Variants in KCNN2 observed in about 807,000 individuals in gnomAD.
KCNN2 encodes potassium calcium-activated channel subfamily N member 2, also known as small conductance calcium-activated potassium channel protein 2.
Under a neutral mutation model 55.5 loss-of-function variants are expected in KCNN2, and 24 were observed. The observed-to-expected ratio is 0.43, with a 90% CI of 0.31 to 0.61. The LOEUF is 0.61. Ranked by LOEUF, KCNN2 falls within the 20% of genes least tolerant of loss-of-function variation. The probability of loss-of-function intolerance (pLI) is 0.08; values close to 1 mark genes in which losing one functional copy is unlikely to be tolerated. For missense variants in KCNN2, 754 were observed against 853.6 expected, an observed-to-expected ratio of 0.88 and a Z score of 1.45; for synonymous variants, 431 against 336.1, an observed-to-expected ratio of 1.28 and a Z score of -3.09.
intron 1 of KCNN2, among the ~76,000 whole-genome samples, chr5:114,192,327 A>C (rs1753466773): frequency 6.6e-6 from 1 of 152,256 alleles, no homozygotes; most frequent in Admixed American, 6.5e-5. Context: ...CCAAATGATA[A>C]ATCACAGTGA....
chr5:114,273,778 T>A (rs1310228342), intron 2 of KCNN2, among the ~76,000 whole-genome samples: 1 of 152,124 alleles, frequency 6.6e-6, no homozygotes, highest in Admixed American at 6.5e-5. Context: ...ATTGCAAAAA[T>A]TTTCTCCCAT....
At chr5:114,156,727 T>C (rs1752642904) in intron 1 of KCNN2, among the ~76,000 whole-genome samples, 1 of 152,172 alleles carries the variant, frequency 6.6e-6, no homozygotes, top group African/African-American at 2.4e-5. Flanking sequence ...CACATTGATT[T>C]TGTATCCTAA....
chr5:114,329,612 G>A (rs1756773064), intron 2 of KCNN2, among the ~76,000 whole-genome samples: 1 of 152,120 alleles, frequency 6.6e-6, no homozygotes, highest in Non-Finnish European at 1.5e-5. Context: ...TTTGAGGTTT[G>A]GGGACTCAGA....
intron 2 of KCNN2, among the ~76,000 whole-genome samples, chr5:114,388,811 G>T (rs1300671827): frequency 1.3e-5 from 2 of 151,756 alleles, no homozygotes; most frequent in East Asian, 3.9e-4. Context: ...TTCTATATCA[G>T]TTTTTTTTAT....
intron 1 of KCNN2, among the ~76,000 whole-genome samples, chr5:114,148,710 T>C (rs1433367374): frequency 6.6e-6 from 1 of 152,034 alleles, no homozygotes; most frequent in East Asian, 1.9e-4. Flanking sequence ...AATGGCTTAG[T>C]AGAAGAAGAG....
intron 5 of KCNN2, 133 bp downstream of exon 5, chr5:114,473,297 T>G (rs1761833493): frequency 1.5e-6 from 1 of 661,456 alleles, no homozygotes; most frequent in African/African-American, 1.8e-5. Context: ...TGGAATCACT[T>G]CCATTTTATC....
intron 2 of KCNN2, among the ~76,000 whole-genome samples, chr5:114,308,848 A>G (rs1486092561): frequency 6.6e-6 from 1 of 152,196 alleles, no homozygotes; most frequent in Admixed American, 6.5e-5. Flanking sequence ...GATTTATAAA[A>G]CCAAAATATT....
chr5:114,107,954 C>T (rs1240581954), intron 1 of KCNN2, among the ~76,000 whole-genome samples: 1 of 151,964 alleles, frequency 6.6e-6, no homozygotes, highest in Non-Finnish European at 1.5e-5. Flanking sequence ...GGTGTTTGAT[C>T]AAATCTATTA....
intron 1 of KCNN2, among the ~76,000 whole-genome samples, chr5:114,063,904 C>T (rs1463706426): frequency 1.3e-5 from 2 of 152,126 alleles, no homozygotes; most frequent in African/African-American, 2.4e-5. Context: ...TTAAGACAAG[C>T]CATTGAGCAT....
chr5:114,276,705 CCCTTTATTT>C (rs1450356291), intron 2 of KCNN2, among the ~76,000 whole-genome samples: 12 of 147,344 alleles, frequency 8.1e-5, no homozygotes, highest in Non-Finnish European at 1.8e-4. Flanking sequence ...CTTCCTCCAT[CCCTTTATTT>C]TGAGCCTATG....
chr5:114,073,579 G>A (rs1750621673), intron 1 of KCNN2, among the ~76,000 whole-genome samples: 1 of 151,794 alleles, frequency 6.6e-6, no homozygotes, highest in African/African-American at 2.4e-5. Flanking sequence ...TTCTGCCTAT[G>A]CTTACCTCCT....
chr5:114,183,333 G>T (rs1224822406), intron 1 of KCNN2, among the ~76,000 whole-genome samples: 13 of 151,858 alleles, frequency 8.6e-5, no homozygotes, highest in Admixed American at 7.9e-4. Flanking sequence ...GAATAAATTT[G>T]TCATTTTTTA....
intron 1 of KCNN2, among the ~76,000 whole-genome samples, chr5:114,213,690 A>T (rs1268784686): frequency 1.3e-5 from 2 of 151,848 alleles, no homozygotes; most frequent in Admixed American, 6.6e-5. Context: ...CATTGCATGC[A>T]ATTTGTCTTA....
chr5:114,239,724 C>G (rs929766479), intron 2 of KCNN2, among the ~76,000 whole-genome samples: 2 of 152,196 alleles, frequency 1.3e-5, no homozygotes, highest in Non-Finnish European at 2.9e-5. Context: ...AAGTAACTCT[C>G]TAACAGTGGT....
At chr5:114,454,444 G>A (rs114649912) in intron 3 of KCNN2, among the ~76,000 whole-genome samples, 32 of 152,276 alleles carry the variant, frequency 2.1e-4, no homozygotes, top group African/African-American at 7.0e-4. Flanking sequence ...TCACTGTGGG[G>A]TGATAGTTGA....
intron 2 of KCNN2, among the ~76,000 whole-genome samples, chr5:114,260,240 T>A (rs1755074890): frequency 6.6e-6 from 1 of 152,180 alleles, no homozygotes; most frequent in African/African-American, 2.4e-5. Context: ...TCAGACCATA[T>A]CACTCCCCTC....
intron 3 of KCNN2, among the ~76,000 whole-genome samples, chr5:114,451,805 C>G (rs1021586029): frequency 6.6e-6 from 1 of 150,904 alleles, no homozygotes; most frequent in African/African-American, 2.4e-5. Flanking sequence ...GCTGAGGCAG[C>G]AGAATGGCGT....
In KCNN2 at chr5:114,330,326, T is replaced by A. The variant is rs6861917; in HGVS notation, c.-184-30619T>A. On this transcript the variant is annotated intron_variant, in intron 2 of 10. Transcript: ENST00000512097. ...ACCTCCATAATTCACATGTACACAC[T>A]CATTCCTAACGGAGTACTCCACATG... 6.6e-3 allele frequency among the ~76,000 whole-genome samples: 1,004 copies of A among 152,320 alleles called. 18 individuals are homozygous for A. Among genetic ancestry groups the A allele is most frequent in the African/African-American group, 0.022 (911 of 41,566 alleles).
chr5:114,366,193 T>G (rs1284648386), intron 2 of KCNN2, among the ~76,000 whole-genome samples: 1 of 152,178 alleles, frequency 6.6e-6, no homozygotes, highest in African/African-American at 2.4e-5. Flanking sequence ...GCACATATAT[T>G]TTGATTAGGG....
Sources: allele counts gnomAD v4.1 joint callset (sites outside exome capture counted in the v4.1 genomes callset), GRCh38; gene constraint gnomAD v4.1.1; transcripts MANE v1.5; gene names NCBI Gene and HGNC (gene_info 2026-07-23, HGNC 2026-07-21).